RIPOR3: variants seen among roughly 807,000 people sequenced by gnomAD.
The protein encoded by RIPOR3 is family with sequence similarity 65 member C.
In RIPOR3, 95 loss-of-function variants were observed where a neutral mutation model predicts 114.3. That is an observed-to-expected ratio of 0.83 (90% CI 0.70 to 0.99). The LOEUF (loss-of-function observed/expected upper bound fraction) is 0.99. RIPOR3 is among the 50% of genes least tolerant of loss of function. The probability of loss-of-function intolerance (pLI) is 0.00; values close to 1 mark genes in which losing one functional copy is unlikely to be tolerated. For synonymous variants in RIPOR3, 575 were observed against 543.8 expected (o/e 1.06, Z -0.80); for missense variants, 1,252 against 1,266.9 (o/e 0.99, Z 0.18).
chr20:50,592,569 G>GC (rs2083148014), intron 18 of RIPOR3, 23 bp from the exon 19 acceptor site: 2 of 1,468,142 alleles, frequency 1.4e-6, no homozygotes, highest in Non-Finnish European at 1.8e-6. Context: ...AAAGAGGTGG[G>GC]CCCAGGTCCC....
Position 50,616,009 on chromosome 20 carries a change from GA to G in RIPOR3, c.340del (p.Ser114ProfsTer99). 1.2e-6 allele frequency: 2 copies of G among 1,608,100 alleles called. No homozygotes were observed. Among genetic ancestry groups the G allele is most frequent in the East Asian group, 4.5e-5 (2 of 44,822 alleles). On this transcript the variant is annotated frameshift_variant, in exon 4 of 22. Transcript: ENST00000327979. LOFTEE classifies it high-confidence loss of function. ...SGRHKDTRRN[S>X]RLAFYYDLDK... ...GGCAGGGAGGGGTCTCACCAGCCTGGAATTCCTCCTGGTGTCTTTGTGGCGT... is the reference window on the plus strand; with the variant it reads ...GGCAGGGAGGGGTCTCACCAGCCTGGATTCCTCCTGGTGTCTTTGTGGCGT...
chr20:50,610,807 C>T (rs1443376591), intron 6 of RIPOR3, 46 bp downstream of exon 6: 2 of 1,613,214 alleles, frequency 1.2e-6, no homozygotes, highest in Admixed American at 3.3e-5. Flanking sequence ...GCCCAGCAAG[C>T]TGGCACTGCC....
intron 1 of RIPOR3, among the ~76,000 whole-genome samples, chr20:50,682,457 C>T (rs963744771): frequency 2.0e-5 from 3 of 152,012 alleles, no homozygotes; most frequent in African/African-American, 4.8e-5. Context: ...TCTACAAAAA[C>T]GTAGCCAAGT....
chr20:50,670,605 A>G (rs1323887727), intron 1 of RIPOR3, among the ~76,000 whole-genome samples: 2 of 152,176 alleles, frequency 1.3e-5, no homozygotes, highest in Non-Finnish European at 2.9e-5. Flanking sequence ...TACAGCATGG[A>G]TATCCGTCAC....
intron 1 of RIPOR3, among the ~76,000 whole-genome samples, chr20:50,664,444 A>G (rs975797166): frequency 6.6e-6 from 1 of 151,978 alleles, no homozygotes; most frequent in Non-Finnish European, 1.5e-5. Flanking sequence ...CCTCGAGTCT[A>G]TTTCTTTTCC....
intron 1 of RIPOR3, among the ~76,000 whole-genome samples, chr20:50,638,402 C>A (rs1243093878): frequency 2.0e-5 from 3 of 152,222 alleles, no homozygotes; most frequent in African/African-American, 7.2e-5. Context: ...CAGTCTGCAG[C>A]CCTGGGTCCC....
At chr20:50,612,115 A>G (rs1270334756) in intron 4 of RIPOR3, among the ~76,000 whole-genome samples, 3 of 143,674 alleles carry the variant, frequency 2.1e-5, no homozygotes, top group Non-Finnish European at 4.5e-5. Context: ...ACAGAGCGAG[A>G]CTCCATCTCA....
rs567479170 is a variant in RIPOR3 at position 50,608,720 on chromosome 20, G to A, written c.703C>T (p.Arg235Cys). 3.8e-5 allele frequency: 61 copies of A among 1,613,982 alleles called. No individual in the cohort carries two copies. The Admixed American group carries it at 5.8e-4, about 15-fold the overall frequency. ...DHYEVLMRLG[R>C]QRWKLKGRIE... ...CGACCCTTGAGCTTCCAACGCTGGCGGCCCAGACGCATGAGCACCTGTGAA... is the reference window on the plus strand; with the variant it reads ...CGACCCTTGAGCTTCCAACGCTGGCAGCCCAGACGCATGAGCACCTGTGAA... The change falls in exon 10 of 22, where the codon CGC (arginine) becomes TGC (cysteine). Residue 235 changes from arginine to cysteine, a missense_variant. Transcript: ENST00000327979.
At chr20:50,609,827 C>A (rs1020677569) in intron 6 of RIPOR3, 105 bp from the exon 7 acceptor site, 29 of 1,261,136 alleles carry the variant, frequency 2.3e-5, no homozygotes, top group Admixed American at 3.7e-5. Context: ...GAGCTAAGCA[C>A]CCCGCTAGCC....
At position 50,592,374 on chromosome 20, in the gene RIPOR3, A is replaced by G. The variant is rs1030023890; in HGVS notation, c.2547T>C (p.Gly849=). Residue 849 remains glycine (G), a synonymous_variant, in exon 19 of 22, where the codon GGT becomes GGC. Coordinates refer to ENST00000327979, the MANE Select transcript of RIPOR3 (RefSeq NM_001290268.2). ...VCRAASARLA[G]AVRNRSFREK... ...CCCGGAAGCTTCTGTTCCTGACTGC[A>G]CCAGCCAGGCGAGCGCTGGCCGCCC... is the stretch of plus-strand genomic sequence containing the variant. 2.5e-6 allele frequency: 4 copies of G among 1,602,772 alleles called. No homozygotes were observed. The African/African-American group carries it at 5.4e-5, about 21-fold the overall frequency.
At position 50,608,765 on chromosome 20, in the gene RIPOR3, G is replaced by A. The variant is rs756548532; in HGVS notation, c.685-27C>T. On this transcript the variant is annotated intron_variant, in intron 9 of 21. Coordinates refer to ENST00000327979, the MANE Select transcript of RIPOR3 (RefSeq NM_001290268.2). Reference sequence around the variant, plus strand: ...TGTGAACCAGCCCGAGAGGGGCCGCGTCAGCCCAGGTGGGTGTCCCCTTGC... The same window carrying A: ...TGTGAACCAGCCCGAGAGGGGCCGCATCAGCCCAGGTGGGTGTCCCCTTGC... 3.8e-5 allele frequency: 61 copies of A among 1,613,114 alleles called. No homozygotes were observed. The Admixed American group carries it at 5.7e-4, about 15-fold the overall frequency.
At chr20:50,668,443 C>T (rs1274820151) in intron 1 of RIPOR3, among the ~76,000 whole-genome samples, 7 of 152,202 alleles carry the variant, frequency 4.6e-5, no homozygotes, top group Non-Finnish European at 8.8e-5. Context: ...AAGCTGCTTC[C>T]TGCAGAGGCC....
At chr20:50,641,677 C>A (rs187819486) in intron 1 of RIPOR3, among the ~76,000 whole-genome samples, 4 of 152,226 alleles carry the variant, frequency 2.6e-5, no homozygotes, top group African/African-American at 4.8e-5. Context: ...GCCACAGGCT[C>A]CTTCCCCATC....
Position 50,587,190 on chromosome 20 carries a change from A to G in RIPOR3, c.*42T>C, listed in dbSNP as rs1483659171. On this transcript the variant is annotated 3_prime_UTR_variant, in exon 22 of 22. Coordinates refer to ENST00000327979, the MANE Select transcript of RIPOR3 (RefSeq NM_001290268.2). ...GGCTATGTCCAGGCTGGGCAGCAGC[A>G]AAAAAAACGATGTGAGATTTGTGCT... The G allele has an allele frequency of 2.0e-6, 3 of 1,500,244 alleles. No individual in the cohort carries two copies. Among genetic ancestry groups the G allele is most frequent in the Non-Finnish European group, 2.8e-6 (3 of 1,079,506 alleles). 92.9% of individuals were successfully genotyped at this position (1,500,244 alleles called of 1,614,324 possible). A position where few individuals can be genotyped will look rare whatever the true frequency, so the allele number is the denominator to read the frequency against.
chr20:50,600,316 A>C (rs1489606439), intron 13 of RIPOR3, among the ~76,000 whole-genome samples: 1 of 152,246 alleles, frequency 6.6e-6, no homozygotes, highest in Non-Finnish European at 1.5e-5. Context: ...GTTTGCCAAA[A>C]AAAGAAAAGT....
chr20:50,599,370 C>T (rs1007026582), intron 13 of RIPOR3, among the ~76,000 whole-genome samples: 2 of 149,510 alleles, frequency 1.3e-5, no homozygotes, highest in African/African-American at 5.0e-5. Flanking sequence ...CCAGCCTGGA[C>T]AACAGAGTGA....
intron 1 of RIPOR3, among the ~76,000 whole-genome samples, chr20:50,635,848 T>C (rs1323519312): frequency 6.6e-6 from 1 of 152,188 alleles, no homozygotes; most frequent in Non-Finnish European, 1.5e-5. Flanking sequence ...GCAGCTCTGC[T>C]GAGGACACGC....
chr20:50,595,302 C>T (rs991178065), intron 16 of RIPOR3, 67 bp downstream of exon 16: 6 of 1,578,048 alleles, frequency 3.8e-6, no homozygotes, highest in Non-Finnish European at 5.2e-6. Context: ...GAAGAGGCTC[C>T]CCGAGCTTTG....
chr20:50,634,396 C>G (rs772911176), intron 1 of RIPOR3, among the ~76,000 whole-genome samples: 21 of 152,112 alleles, frequency 1.4e-4, no homozygotes, highest in Admixed American at 2.6e-4. Flanking sequence ...TGTCCCCTCC[C>G]CCAGGAAGCC....
Sources: gnomAD v4.1 joint callset for allele counts (sites outside exome capture counted in the v4.1 genomes callset) on GRCh38, gnomAD v4.1.1 for gene constraint, MANE v1.5 for transcripts, NCBI Gene and HGNC (gene_info 2026-07-23, HGNC 2026-07-21) for gene names.